Variants in DRC1 observed in about 807,000 individuals in gnomAD.
DRC1 encodes dynein regulatory complex protein 1.
In DRC1, 74 loss-of-function variants were observed where a neutral mutation model predicts 98.7. The observed-to-expected ratio is 0.75, with a 90% confidence interval of 0.62 to 0.91. The LOEUF (loss-of-function observed/expected upper bound fraction) is 0.91, where lower values mean the gene tolerates loss of function less well. Among genes scored for constraint, DRC1 ranks in the 40% least tolerant of loss-of-function variants. The pLI is 0.00. For missense variants in DRC1, 875 were observed against 886.0 expected, an observed-to-expected ratio of 0.99 and a Z score of 0.16; for synonymous variants, 336 against 334.1, an observed-to-expected ratio of 1.01 and a Z score of -0.06.
At chr2:26,428,746 C>T (rs904811591) in intron 4 of DRC1, among the ~76,000 whole-genome samples, 3 of 151,286 alleles carry the variant, frequency 2.0e-5, no homozygotes, top group Non-Finnish European at 2.9e-5. Context: ...TGCAGTGGGC[C>T]GAGATCGAGC....
In DRC1 at chr2:26,440,535, G is replaced by T. The variant is rs372104812; in HGVS notation, c.1028+18G>T. 1 of 1,604,926 alleles carries T rather than the reference G, an allele frequency of 6.2e-7. No homozygotes were observed. The highest frequency in any genetic ancestry group is 8.5e-7 in the Non-Finnish European group (1 of 1,174,920). On this transcript the variant is annotated intron_variant, in intron 8 of 16. Coordinates refer to ENST00000288710, the MANE Select transcript of DRC1 (RefSeq NM_145038.5). ...ATCAATCGGTAAGCTAGCATGCAGAGCGTCTTTCTTCTGGGCCTTCTGTGC... is the reference window on the plus strand; with the variant it reads ...ATCAATCGGTAAGCTAGCATGCAGATCGTCTTTCTTCTGGGCCTTCTGTGC...
At position 26,401,998 on chromosome 2, in the gene DRC1, G is replaced by T. The variant is rs950686026; in HGVS notation, c.9G>T (p.Pro3=). The part of the protein sequence containing the change: MN[P]PGSLEALDPN... ...GACCAGGGACTCCTGCCATGAATCC[G>T]CCGGGGTCCCTAGAGGCCCTGGACC... Residue 3 remains proline (P), a synonymous_variant, in exon 1 of 17, where the codon CCG becomes CCT. Coordinates refer to ENST00000288710, the MANE Select transcript of DRC1 (RefSeq NM_145038.5). The T allele has an allele frequency of 1.9e-6, 3 of 1,605,214 alleles. No individual in the cohort carries two copies. The South Asian group carries it at 3.4e-5, about 18-fold the overall frequency.
chr2:26,433,331 T>C (rs544974263), intron 7 of DRC1, among the ~76,000 whole-genome samples: 1 of 152,332 alleles, frequency 6.6e-6, no homozygotes, highest in South Asian at 2.1e-4. Flanking sequence ...TGTTAGAGTT[T>C]CAGTTCTTTT....
chr2:26,444,588 GC>G (rs1269049976), intron 9 of DRC1, 127 bp from the exon 10 acceptor site: 2 of 1,060,564 alleles, frequency 1.9e-6, no homozygotes, highest in East Asian at 2.6e-5. Flanking sequence ...GGAATCAGCC[GC>G]CCAGGGATGG....
chr2:26,408,662 T>C (rs1483486658), intron 1 of DRC1, among the ~76,000 whole-genome samples: 1 of 152,008 alleles, frequency 6.6e-6, no homozygotes, highest in Non-Finnish European at 1.5e-5. Context: ...TCCCAGCTAC[T>C]TGGGAGGCTG....
chr2:26,402,067 GGTC>G lies in DRC1; in HGVS notation c.79_81del (p.Val27del). 6.2e-7 allele frequency: 1 copy of G among 1,613,340 alleles called. No individual in the cohort carries two copies. The highest frequency in any genetic ancestry group is 8.5e-7 in the Non-Finnish European group (1 of 1,179,810). The stretch of plus-strand genomic sequence containing the variant: ...TGTCCACCCAGATTCTCGCGCCCTC[GGTC>G]CACTCCGACAACTCTCAGGAGCGCA... On this transcript the variant is annotated inframe_deletion, in exon 1 of 17. Transcript: ENST00000288710.
chr2:26,448,688 C>A lies in DRC1; in HGVS notation c.1397-3C>A. The A allele has an allele frequency of 6.2e-7, 1 of 1,613,986 alleles. No individual in the cohort carries two copies. Among genetic ancestry groups the A allele is most frequent in the African/African-American group, 1.3e-5 (1 of 75,056 alleles). On this transcript the variant is annotated splice_region_variant and splice_polypyrimidine_tract_variant and intron_variant, in intron 10 of 16. Coordinates refer to ENST00000288710, the MANE Select transcript of DRC1 (RefSeq NM_145038.5). ...CTCTCTCCTCCCCATGACCCAACTG[C>A]AGAAGAGGAGGAGGCAGAAGAGGCC...
At chr2:26,412,274 G>C (rs1446481802) in intron 1 of DRC1, among the ~76,000 whole-genome samples, 1 of 151,858 alleles carries the variant, frequency 6.6e-6, no homozygotes, top group Non-Finnish European at 1.5e-5. Context: ...AGGCTGAGGC[G>C]GGAGAATTGC....
At chr2:26,421,556 TC>T (rs551068810) in intron 3 of DRC1, among the ~76,000 whole-genome samples, 156 bp downstream of exon 3, 1 of 128,342 alleles carries the variant, frequency 7.8e-6, no homozygotes, top group Non-Finnish European at 1.7e-5. Context: ...TCTTTCTCTC[TC>T]TTTTTTTTTT....
chr2:26,448,357 A>G (rs543592472), intron 10 of DRC1: 4 of 520,570 alleles, frequency 7.7e-6, no homozygotes, highest in East Asian at 5.6e-5. Flanking sequence ...TGAAATAAGA[A>G]TAAATGGGCT....
At chr2:26,424,168 G>C (rs1663223158) in intron 3 of DRC1, 103 bp from the exon 4 acceptor site, 1 of 1,409,710 alleles carries the variant, frequency 7.1e-7, no homozygotes, top group African/African-American at 1.4e-5. Flanking sequence ...GCAGTGCCTA[G>C]TACCTGGGTC....
intron 3 of DRC1, among the ~76,000 whole-genome samples, chr2:26,422,164 G>A (rs1572361885): frequency 6.6e-6 from 1 of 152,180 alleles, no homozygotes; most frequent in South Asian, 2.1e-4. Context: ...AGGCATTTTA[G>A]GCAGAGGGAA....
At chr2:26,422,965 A>G (rs1663184807) in intron 3 of DRC1, among the ~76,000 whole-genome samples, 1 of 151,250 alleles carries the variant, frequency 6.6e-6, no homozygotes, top group African/African-American at 2.4e-5. Flanking sequence ...ATTTTGTCTC[A>G]TCATATACAC....
chr2:26,402,319 C>T lies in DRC1; in HGVS notation c.155+175C>T, dbSNP rs374466578. ...ATCCCAGCACTTAGGGAGGCCGAGG[C>T]GGGCCGATCACTGGAGCCCAGGAGT... On this transcript the variant is annotated intron_variant, in intron 1 of 16. Coordinates refer to ENST00000288710, the MANE Select transcript of DRC1 (RefSeq NM_145038.5). Among the ~76,000 whole-genome samples the T allele has an allele frequency of 6.6e-5, 10 of 152,346 alleles. No homozygotes were observed. The East Asian group carries it at 1.9e-3, about 29-fold the overall frequency.
chr2:26,455,702 C>T (rs928799780), intron 16 of DRC1, among the ~76,000 whole-genome samples: 13 of 152,260 alleles, frequency 8.5e-5, no homozygotes, highest in African/African-American at 3.1e-4. Context: ...AGCCCCGGTT[C>T]CCTGCCTGGG....
intron 1 of DRC1, among the ~76,000 whole-genome samples, chr2:26,412,499 T>G (rs1678646221): frequency 6.6e-6 from 1 of 152,162 alleles, no homozygotes; most frequent in Non-Finnish European, 1.5e-5. Context: ...CTTGATGATG[T>G]AAGTGGCGTG....
intron 14 of DRC1, among the ~76,000 whole-genome samples, chr2:26,453,908 G>A (rs1225984587): frequency 6.6e-6 from 1 of 152,214 alleles, no homozygotes; most frequent in Non-Finnish European, 1.5e-5. Context: ...GCATGTCAGA[G>A]GGTTTTGGGA....
In DRC1 at chr2:26,439,922, A is replaced by AATAT. The variant is rs60317791; in HGVS notation, c.889-444_889-441dup. ...ACAAGCTAGGGCCAACTAGTGTGTG[A>AATAT]ATATATATATATATACACACACACA... is the stretch of plus-strand genomic sequence containing the variant. On this transcript the variant is annotated intron_variant, in intron 7 of 16. Transcript: ENST00000288710. Among the ~76,000 whole-genome samples, 433 of 43,452 alleles carry AATAT rather than the reference A, an allele frequency of 1.0e-2. 64 individuals are homozygous for AATAT. Among genetic ancestry groups the AATAT allele is most frequent in the African/African-American group, 0.029 (379 of 13,120 alleles). The allele number at this position is 43,452 out of a possible 152,430, so 28.5% of individuals were successfully genotyped here. A position where few individuals can be genotyped will look rare whatever the true frequency, so the allele number is the denominator to read the frequency against.
At chr2:26,430,076 T>A (rs1204431405) in intron 5 of DRC1, among the ~76,000 whole-genome samples, 1 of 152,158 alleles carries the variant, frequency 6.6e-6, no homozygotes, top group African/African-American at 2.4e-5. Flanking sequence ...TATATTATTT[T>A]ACAGGTGGTA....
Sources: allele counts gnomAD v4.1 joint callset (sites outside exome capture counted in the v4.1 genomes callset), GRCh38; gene constraint gnomAD v4.1.1; transcripts MANE v1.5; gene names NCBI Gene and HGNC (gene_info 2026-07-23, HGNC 2026-07-21).